The following THRA variants were observed in gnomAD, a reference collection of about 807,000 sequenced individuals.
THRA encodes thyroid hormone receptor alpha.
Under a neutral mutation model 45.0 loss-of-function variants are expected in THRA, and 13 were observed. That is an observed-to-expected ratio of 0.29 (90% CI 0.19 to 0.46). THRA has a LOEUF of 0.46. Among genes scored for constraint, THRA ranks in the 20% least tolerant of loss-of-function variants. The pLI is 1.00. For missense variants in THRA, 278 were observed against 556.1 expected (o/e 0.50, Z 5.03); for synonymous variants, 195 against 214.0 (o/e 0.91, Z 0.78).
At chr17:40,083,508 C>T (rs1014688118) in intron 4 of THRA, among the ~76,000 whole-genome samples, 6 of 152,238 alleles carry the variant, frequency 3.9e-5, no homozygotes, top group Non-Finnish European at 8.8e-5. Flanking sequence ...CCACCGCGCC[C>T]GGCGACTTGG....
At chr17:40,087,206 G>GACAC (rs142111613) in intron 7 of THRA, among the ~76,000 whole-genome samples, 24 of 102,404 alleles carry the variant, frequency 2.3e-4, no homozygotes, top group African/African-American at 8.8e-4. Context: ...CCAGCACACA[G>GACAC]ACACACACAC....
chr17:40,074,147 C>G (rs1986869928), intron 1 of THRA, 45 bp from the exon 2 acceptor site: 1 of 299,814 alleles, frequency 3.3e-6, no homozygotes, highest in African/African-American at 2.2e-5. Flanking sequence ...ACCCACCTTC[C>G]TACCGTGACA....
In THRA at chr17:40,074,455, G is replaced by A. The variant is rs376950648; in HGVS notation, c.-34G>A. 1.3e-5 allele frequency: 21 copies of A among 1,613,448 alleles called. No homozygotes were observed. The highest frequency in any genetic ancestry group is 4.4e-5 in the South Asian group (4 of 91,070). On this transcript the variant is annotated 5_prime_UTR_variant, in exon 2 of 9. In the 5' UTR this introduces an upstream ATG that the reference lacks. Transcript: ENST00000450525. ...AGTGTGCCCACCCCAGTCTCTTGGC[G>A]TGCTGGAGGGCATCCTGGATGGAAT...
chr17:40,063,963 C>T (rs1025412269), intron 1 of THRA, among the ~76,000 whole-genome samples: 1 of 150,924 alleles, frequency 6.6e-6, no homozygotes, highest in Non-Finnish European at 1.5e-5. Flanking sequence ...GGAGCCTGCC[C>T]CTCAGTGCTG....
intron 4 of THRA, among the ~76,000 whole-genome samples, chr17:40,080,119 G>C (rs571934854): frequency 6.6e-6 from 1 of 151,944 alleles, no homozygotes; most frequent in African/African-American, 2.4e-5. Context: ...TATGTTAAAG[G>C]CCAGGTATAG....
At chr17:40,068,848 A>G (rs1359770836) in intron 1 of THRA, 1 of 152,404 alleles carries the variant, frequency 6.6e-6, no homozygotes, top group Non-Finnish European at 1.5e-5. Context: ...AAACAGGGGA[A>G]CCGAGGCTTT....
downstream of THRA, chr17:40,093,273 C>T (rs903545497): frequency 1.2e-6 from 2 of 1,613,714 alleles, no homozygotes; most frequent in Non-Finnish European, 1.7e-6. The surrounding 1 kb of genome is among the most constrained non-coding windows in gnomAD (Gnocchi z 5.9). Flanking sequence ...ATTCTCCATG[C>T]CCGAGCGGTC....
chr17:40,071,475 C>T (rs1013283631), intron 1 of THRA, among the ~76,000 whole-genome samples: 2 of 152,224 alleles, frequency 1.3e-5, no homozygotes, highest in African/African-American at 2.4e-5. Flanking sequence ...TCCCCCTCCA[C>T]GGGCACTTTG....
chr17:40,074,767 A>G (rs1397425101), intron 2 of THRA, among the ~76,000 whole-genome samples: 3 of 152,222 alleles, frequency 2.0e-5, no homozygotes, highest in African/African-American at 7.2e-5. Flanking sequence ...GAGCAATTAC[A>G]GGGAGCACAT....
chr17:40,073,534 G>A (rs1040055673), intron 1 of THRA, among the ~76,000 whole-genome samples: 10 of 152,106 alleles, frequency 6.6e-5, no homozygotes, highest in African/African-American at 1.9e-4. Context: ...CATCCTGGTC[G>A]ATAGCAGCTC....
chr17:40,084,398 T>C, intron 5 of THRA: 1 of 591,680 alleles, frequency 1.7e-6, no homozygotes. Context: ...ATGATATTCA[T>C]CTGGATCAGC....
intron 7 of THRA, among the ~76,000 whole-genome samples, chr17:40,087,296 C>G (rs1254383219): frequency 1.3e-5 from 2 of 149,120 alleles, no homozygotes. Flanking sequence ...TAGACACACA[C>G]ACACAGATAC....
rs552205515 is a variant in THRA at position 40,076,907 on chromosome 17, C to T, written c.90C>T (p.Asn30=). 28 of 1,614,086 alleles carry T rather than the reference C, an allele frequency of 1.7e-5. No individual in the cohort carries two copies. The highest frequency in any genetic ancestry group is 6.7e-5 in the East Asian group (3 of 44,882). The change falls in exon 3 of 9, where the codon AAC becomes AAT. Residue 30 remains asparagine (N), a synonymous_variant. Coordinates refer to ENST00000450525, the MANE Select transcript of THRA (RefSeq NM_199334.5). ...CAGATGGAAAGCGAAAAAGAAAGAA[C>T]GGCCAATGTTCCCTGAAAACCAGCA... The part of the protein sequence containing the change: ...RSPDGKRKRK[N]GQCSLKTSMS...
chr17:40,063,316 C>T (rs1986427409), intron 1 of THRA, among the ~76,000 whole-genome samples: 1 of 152,122 alleles, frequency 6.6e-6, no homozygotes, highest in Non-Finnish European at 1.5e-5. Flanking sequence ...TCGCTGGGCC[C>T]CGGGGTTCGC....
In THRA at chr17:40,088,376, G is replaced by A. The variant is rs1455688029; in HGVS notation, c.858G>A (p.Gln286=). 3 of 1,614,166 alleles carry A rather than the reference G, an allele frequency of 1.9e-6. No individual in the cohort carries two copies. The South Asian group carries it at 3.3e-5, about 18-fold the overall frequency. ...LSGEMAVKRE[Q]LKNGGLGVVS... Reference sequence around the variant, plus strand: ...GGGAGATGGCTGTCAAGCGGGAGCAGCTCAAGAATGGCGGCCTGGGCGTAG... The same window carrying A: ...GGGAGATGGCTGTCAAGCGGGAGCAACTCAAGAATGGCGGCCTGGGCGTAG... The change falls in exon 8 of 9, where the codon CAG becomes CAA. Residue 286 remains glutamine (Q), a synonymous_variant. Coordinates refer to ENST00000450525, the MANE Select transcript of THRA (RefSeq NM_199334.5).
upstream of THRA, chr17:40,062,805 G>T (rs1436297042): frequency 2.1e-5 from 3 of 142,860 alleles, no homozygotes; most frequent in Non-Finnish European, 4.7e-5. Context: ...GGGGCGGGCG[G>T]CGGCGAGGCG....
At chr17:40,088,576 T>C (rs1292171917) in intron 8 of THRA, 76 bp downstream of exon 8, 25 of 1,525,336 alleles carry the variant, frequency 1.6e-5, no homozygotes, top group Non-Finnish European at 2.1e-5. Context: ...GGCCTGTTGC[T>C]CAACTCCCTC....
chr17:40,082,893 G>A (rs1189908158), intron 4 of THRA, among the ~76,000 whole-genome samples: 1 of 149,372 alleles, frequency 6.7e-6, no homozygotes, highest in Admixed American at 6.7e-5. Context: ...AGCCTCCTGA[G>A]TAGCTGGGAT....
intron 4 of THRA, among the ~76,000 whole-genome samples, chr17:40,082,871 A>G (rs536541037): frequency 2.0e-4 from 28 of 142,274 alleles, no homozygotes; most frequent in Middle Eastern, 8.4e-3. Flanking sequence ...GGTTCAAGCA[A>G]TTCTCTGCCT....
Sources: gnomAD v4.1 joint callset for allele counts (sites outside exome capture counted in the v4.1 genomes callset) on GRCh38, gnomAD v4.1.1 for gene constraint, Gnocchi (gnomAD v3.1) non-coding constraint, MANE v1.5 for transcripts, NCBI Gene and HGNC (gene_info 2026-07-23, HGNC 2026-07-21) for gene names.